LOC400499: variants seen among roughly 807,000 people sequenced by gnomAD.
chr16:11,454,381 C>T, the LOC400499 span, among the ~76,000 whole-genome samples: 1 of 152,148 alleles, frequency 6.6e-6, no homozygotes, highest in Non-Finnish European at 1.5e-5. Flanking sequence ...AAAATGGGGT[C>T]ATTGCAGATA....
chr16:11,519,292 C>A, the LOC400499 span, among the ~76,000 whole-genome samples: 2 of 152,164 alleles, frequency 1.3e-5, no homozygotes, highest in African/African-American at 4.8e-5. Context: ...GTAGAGCAGA[C>A]AAAGGCTTTG....
the LOC400499 span, chr16:11,393,405 A>C: frequency 8.1e-7 from 1 of 1,232,268 alleles, no homozygotes; most frequent in Non-Finnish European, 1.0e-6. Flanking sequence ...CTCATGGGCC[A>C]CAGAGGCCTG....
chr16:11,383,627 G>T, the LOC400499 span: 1 of 1,232,284 alleles, frequency 8.1e-7, no homozygotes, highest in Non-Finnish European at 1.0e-6. Flanking sequence ...GTGCTAGATG[G>T]CTGGGGCAGC....
At chr16:11,478,611 G>C in the LOC400499 span, 4 of 399,074 alleles carry the variant, frequency 1.0e-5, no homozygotes, top group South Asian at 2.5e-4. Flanking sequence ...AGTTCACAAA[G>C]CTCAGCTCCT....
At chr16:11,431,852 T>G in the LOC400499 span, among the ~76,000 whole-genome samples, 1 of 152,194 alleles carries the variant, frequency 6.6e-6, no homozygotes, top group Non-Finnish European at 1.5e-5. Context: ...TCCTCTCCCT[T>G]TGAATCAGGA....
At chr16:11,495,623 G>GC in the LOC400499 span, among the ~76,000 whole-genome samples, 1 of 152,094 alleles carries the variant, frequency 6.6e-6, no homozygotes, top group Non-Finnish European at 1.5e-5. Flanking sequence ...CAAGTGATCT[G>GC]CCCGCCTCGG....
the LOC400499 span, among the ~76,000 whole-genome samples, chr16:11,466,156 A>G: frequency 6.6e-6 from 1 of 152,122 alleles, no homozygotes; most frequent in Admixed American, 6.6e-5. Context: ...TATTAACTCC[A>G]TGTGCTGACT....
At chr16:11,390,403 A>G in the LOC400499 span, 1 of 1,248,366 alleles carries the variant, frequency 8.0e-7, no homozygotes, top group Non-Finnish European at 1.0e-6. Context: ...CTCCCGCCAC[A>G]CCTCCTCCAG....
the LOC400499 span, chr16:11,449,156 C>G: frequency 1.5e-6 from 2 of 1,343,484 alleles, no homozygotes; most frequent in Non-Finnish European, 2.0e-6. Context: ...ACCCTATTTC[C>G]TCCACCTGGG....
chr16:11,403,294 G>A, the LOC400499 span, among the ~76,000 whole-genome samples: 3 of 152,188 alleles, frequency 2.0e-5, no homozygotes, highest in Non-Finnish European at 4.4e-5. Context: ...GTTCTGGGGA[G>A]GCTGACCACA....
chr16:11,518,240 G>T, the LOC400499 span, among the ~76,000 whole-genome samples: 4 of 152,306 alleles, frequency 2.6e-5, no homozygotes, highest in South Asian at 6.2e-4. Flanking sequence ...CTAGACAAAG[G>T]CTTTCTTTCT....
At chr16:11,476,088 C>G in the LOC400499 span, among the ~76,000 whole-genome samples, 1 of 148,556 alleles carries the variant, frequency 6.7e-6, no homozygotes, top group Non-Finnish European at 1.5e-5. Context: ...TGCAAAGGCC[C>G]TGGGGTAGGA....
the LOC400499 span, chr16:11,500,842 G>C: frequency 5.0e-6 from 2 of 399,184 alleles, no homozygotes; most frequent in Non-Finnish European, 8.8e-6. Flanking sequence ...GGCTGTGGGA[G>C]GAAGGCCAGT....
At chr16:11,518,674 C>A in the LOC400499 span, among the ~76,000 whole-genome samples, 1 of 152,100 alleles carries the variant, frequency 6.6e-6, no homozygotes, top group Non-Finnish European at 1.5e-5. Flanking sequence ...ATGAAGGCAG[C>A]CCCCCAGCGG....
chr16:11,448,883 TG>T, the LOC400499 span: 1 of 1,405,036 alleles, frequency 7.1e-7, no homozygotes, highest in South Asian at 1.5e-5. Context: ...AGGGATTCGG[TG>T]GTCTCTTGGC....
chr16:11,435,079 A>C, the LOC400499 span, among the ~76,000 whole-genome samples: 50,212 of 152,108 alleles, frequency 0.33, 8,757 homozygotes, highest in Admixed American at 0.47. Context: ...TCCCAAGCTC[A>C]AGCAATCCTC....
At chr16:11,391,588 G>A in the LOC400499 span, 4 of 1,171,478 alleles carry the variant, frequency 3.4e-6, no homozygotes, top group Non-Finnish European at 3.2e-6. Flanking sequence ...ACAGGCCAAT[G>A]TGAGCGCTTA....
chr16:11,461,855 T>C, the LOC400499 span, among the ~76,000 whole-genome samples: 1 of 152,230 alleles, frequency 6.6e-6, no homozygotes, highest in Non-Finnish European at 1.5e-5. Flanking sequence ...AAATGCCCAG[T>C]GTATTTTAGG....
At chr16:11,476,395 T>C in the LOC400499 span, among the ~76,000 whole-genome samples, 1 of 151,880 alleles carries the variant, frequency 6.6e-6, no homozygotes. Flanking sequence ...AGCTCTCACC[T>C]CTCAGCTGCC....
Sources: allele counts gnomAD v4.1 joint callset (sites outside exome capture counted in the v4.1 genomes callset), GRCh38; gene constraint gnomAD v4.1.1; transcripts MANE v1.5.